The following BTRC variants were observed in gnomAD, a reference collection of about 807,000 sequenced individuals.
The protein encoded by BTRC is F-box/WD repeat-containing protein 1A.
In BTRC, 42 loss-of-function variants were observed where a neutral mutation model predicts 85.5. The ratio of observed to expected loss-of-function variants is 0.49; its 90% CI spans 0.38 to 0.64. The LOEUF is 0.64. BTRC is among the 30% of genes least tolerant of loss of function. BTRC has a pLI of 0.00. For missense variants in BTRC, 594 were observed against 743.5 expected (o/e 0.80, Z 2.34); for synonymous variants, 255 against 263.3 (o/e 0.97, Z 0.30).
intron 1 of BTRC, among the ~76,000 whole-genome samples, chr10:101,404,231 C>T (rs1234135422): frequency 1.3e-5 from 2 of 150,236 alleles, no homozygotes; most frequent in East Asian, 2.0e-4. Flanking sequence ...GGGGTTTCAC[C>T]GTGTTAGCCA....
chr10:101,474,383 G>A (rs1945618715), intron 3 of BTRC, among the ~76,000 whole-genome samples: 1 of 152,262 alleles, frequency 6.6e-6, no homozygotes, highest in South Asian at 2.1e-4. Flanking sequence ...TTAATGGAAA[G>A]CCTAAGATGT....
intron 1 of BTRC, among the ~76,000 whole-genome samples, chr10:101,429,836 G>A (rs574460414): frequency 1.3e-5 from 2 of 149,894 alleles, no homozygotes; most frequent in South Asian, 2.1e-4. Flanking sequence ...TGTCAAAGCC[G>A]TAGGGATACA....
intron 13 of BTRC, among the ~76,000 whole-genome samples, chr10:101,545,561 G>A (rs573312671): frequency 6.6e-6 from 1 of 152,292 alleles, no homozygotes; most frequent in Admixed American, 6.5e-5. Flanking sequence ...AATATGACTG[G>A]TGTCCTTAAA....
chr10:101,369,277 T>C (rs1942566547), intron 1 of BTRC, among the ~76,000 whole-genome samples: 1 of 151,970 alleles, frequency 6.6e-6, no homozygotes, highest in Admixed American at 6.6e-5. Context: ...TCGAGTACAC[T>C]GGTGTGATCA....
chr10:101,397,714 AT>A (rs1943399001), intron 1 of BTRC, among the ~76,000 whole-genome samples: 1 of 151,810 alleles, frequency 6.6e-6, no homozygotes, highest in Non-Finnish European at 1.5e-5. Flanking sequence ...CTTAATTTTC[AT>A]TTTTTTCATA....
At chr10:101,434,058 A>T (rs1944465968) in intron 2 of BTRC, among the ~76,000 whole-genome samples, 1 of 152,206 alleles carries the variant, frequency 6.6e-6, no homozygotes, top group Non-Finnish European at 1.5e-5. Flanking sequence ...TTTCAAAAAA[A>T]ATTAAGACTA....
intron 1 of BTRC, among the ~76,000 whole-genome samples, chr10:101,374,757 A>G (rs896614028): frequency 1.3e-4 from 20 of 149,678 alleles, no homozygotes; most frequent in African/African-American, 4.7e-4. Flanking sequence ...CAATGTGCAC[A>G]TGTACCCTAA....
At chr10:101,369,001 A>C (rs193202574) in intron 1 of BTRC, among the ~76,000 whole-genome samples, 187 of 152,290 alleles carry the variant, frequency 1.2e-3, no homozygotes, top group Non-Finnish European at 2.2e-3. Flanking sequence ...CTTTGGCGAC[A>C]GAGCGAGACT....
rs1191111549 is a variant in BTRC, at chr10:101,531,277, G to T, written c.784G>T (p.Ala262Ser). The T allele has an allele frequency of 6.2e-7, 1 of 1,610,730 alleles. No individual in the cohort carries two copies. The highest frequency in any genetic ancestry group is 1.3e-5 in the African/African-American group (1 of 74,968). Residue 262 changes from alanine (A) to serine (S), a missense_variant, in exon 7 of 15, where the codon GCT becomes TCT. Coordinates refer to ENST00000370187, the MANE Select transcript of BTRC (RefSeq NM_033637.4). ...CAAAAACAAACCTCCTGACGGGAAT[G>T]CTCCTCCCAACTCTTTTTATAGAGC... ...LFKNKPPDGNAPPNSFYRALY... is the reference protein window; with the variant it reads ...LFKNKPPDGNSPPNSFYRALY...
rs1941959728 is a variant in BTRC at position 101,354,188 on chromosome 10, C to T, written c.8C>T (p.Pro3Leu). 3.2e-6 allele frequency: 5 copies of T among 1,549,128 alleles called. No individual in the cohort carries two copies. The highest frequency in any genetic ancestry group is 2.4e-5 in the South Asian group (2 of 83,966). Residue 3 changes from proline (P) to leucine (L), a missense_variant, in exon 1 of 15, where the codon CCG becomes CTG. Transcript: ENST00000370187. ...CCAGTGGCCTCGGCGATTATGGACC[C>T]GGCCGAGGCGGTGCTGCAAGAGAAG... MD[P>L]AEAVLQEKAL...
chr10:101,393,635 AAAAC>A, intron 1 of BTRC, among the ~76,000 whole-genome samples: 1 of 152,340 alleles, frequency 6.6e-6, no homozygotes, highest in East Asian at 1.9e-4. Context: ...AGACAAAACA[AAAAC>A]AAAAACAACC....
At chr10:101,405,411 C>A (rs1364135911) in intron 1 of BTRC, among the ~76,000 whole-genome samples, 3 of 152,098 alleles carry the variant, frequency 2.0e-5, no homozygotes, top group African/African-American at 4.8e-5. Flanking sequence ...ATAGCAAGAA[C>A]TTTAAAGAAA....
At chr10:101,423,237 C>T (rs1281640953) in intron 1 of BTRC, among the ~76,000 whole-genome samples, 9 of 151,984 alleles carry the variant, frequency 5.9e-5, no homozygotes, top group Admixed American at 5.9e-4. Context: ...ATTTACCTTA[C>T]TAGTTTATTA....
chr10:101,554,335 A>G lies in BTRC; in HGVS notation c.*1212A>G, dbSNP rs1191597374. 2 of 152,228 alleles carry G rather than the reference A, an allele frequency of 1.3e-5. No individual in the cohort carries two copies. Among genetic ancestry groups the G allele is most frequent in the African/African-American group, 2.4e-5 (1 of 41,458 alleles). The allele number at this position is 152,228 out of a possible 1,614,324, so 9.4% of individuals were successfully genotyped here. A position where few individuals can be genotyped will look rare whatever the true frequency, so the allele number is the denominator to read the frequency against. On this transcript the variant is annotated 3_prime_UTR_variant, in exon 15 of 15. Coordinates refer to ENST00000370187, the MANE Select transcript of BTRC (RefSeq NM_033637.4). ...GATTTCCTCATCAGGGCCTGTGAAT[A>G]CCCAGGTGCCTGTATCTTTGCCAAG...
chr10:101,437,446 TTTC>T (rs1335325902), intron 2 of BTRC, among the ~76,000 whole-genome samples: 1 of 152,158 alleles, frequency 6.6e-6, no homozygotes, highest in Non-Finnish European at 1.5e-5. Context: ...CAAATAATGG[TTTC>T]ATTTTTAAGT....
chr10:101,533,162 T>C (rs1322894277), intron 9 of BTRC, 92 bp downstream of exon 9: 4 of 843,070 alleles, frequency 4.7e-6, no homozygotes, highest in African/African-American at 3.4e-5. Flanking sequence ...ATCGGCACAG[T>C]TCTGAAACTA....
rs925416590 is a variant in BTRC at position 101,404,337 on chromosome 10, G to C, written c.49-26008G>C. On this transcript the variant is annotated intron_variant, in intron 1 of 14. Transcript: ENST00000370187. ...GAGCCACCGCGCCCAGCCAATCCTAGCTATATTACAGTCTTTGCCTTTAAA... is the reference window on the plus strand; with the variant it reads ...GAGCCACCGCGCCCAGCCAATCCTACCTATATTACAGTCTTTGCCTTTAAA... Among the ~76,000 whole-genome samples the C allele has an allele frequency of 1.5e-4, 23 of 151,862 alleles. 1 individual carries two copies. Among genetic ancestry groups the C allele is most frequent in the Admixed American group, 1.4e-3 (22 of 15,230 alleles).
At chr10:101,475,368 T>C (rs1228928694) in intron 3 of BTRC, among the ~76,000 whole-genome samples, 1 of 151,984 alleles carries the variant, frequency 6.6e-6, no homozygotes, top group African/African-American at 2.4e-5. Context: ...GGTAAAACCC[T>C]GTCTCTACTA....
chr10:101,382,804 T>A (rs1232537040), intron 1 of BTRC, among the ~76,000 whole-genome samples: 1 of 152,186 alleles, frequency 6.6e-6, no homozygotes, highest in Non-Finnish European at 1.5e-5. Context: ...ATTTTTTTCT[T>A]TCTCAATTTT....
Sources: allele counts gnomAD v4.1 joint callset (sites outside exome capture counted in the v4.1 genomes callset), GRCh38; gene constraint gnomAD v4.1.1; transcripts MANE v1.5; gene names NCBI Gene and HGNC (gene_info 2026-07-23, HGNC 2026-07-21).